USP5: variants seen among roughly 807,000 people sequenced by gnomAD.
USP5 encodes the protein ubiquitin specific peptidase 5.
In USP5, 24 loss-of-function variants were observed where a neutral mutation model predicts 102.5. The ratio of observed to expected loss-of-function variants is 0.23; its 90% CI spans 0.17 to 0.33. The LOEUF (loss-of-function observed/expected upper bound fraction) is 0.33. Among genes scored for constraint, USP5 ranks in the 10% least tolerant of loss-of-function variants. USP5 has a pLI of 1.00. For synonymous variants in USP5, 460 were observed against 434.8 expected (o/e 1.06, Z -0.72); for missense variants, 753 against 1,122.1 (o/e 0.67, Z 4.70).
At chr12:6,857,427 C>G (rs1030293138) in intron 6 of USP5, 3 of 522,752 alleles carry the variant, frequency 5.7e-6, no homozygotes, top group Non-Finnish European at 1.0e-5. Flanking sequence ...CAACCCTCAC[C>G]CGGTTTCATC....
chr12:6,856,110 G>T lies in USP5; in HGVS notation c.398G>T (p.Arg133Leu). The T allele has an allele frequency of 6.2e-7, 1 of 1,614,140 alleles. No homozygotes were observed. The highest frequency in any genetic ancestry group is 8.5e-7 in the Non-Finnish European group (1 of 1,180,014). ...TTGCCAGATTACCTGGAGATTGCCC[G>T]GGATGGACTGGGGGGACTGCCTGAC... ...VILPDYLEIARDGLGGLPDIV... is the reference protein window; with the variant it reads ...VILPDYLEIALDGLGGLPDIV... The change falls in exon 4 of 20, where the codon CGG becomes CTG. Residue 133 changes from arginine (R) to leucine (L), a missense_variant. Around this residue, in one of 3 missense-constraint regions of USP5, gnomAD observed 527 missense variants for 816.5 expected, o/e 0.65. Transcript: ENST00000229268. This position sits in a 1 kb window ranked among gnomAD's most constrained non-coding sequence, Gnocchi z 5.6.
chr12:6,860,528 G>A lies in USP5; in HGVS notation c.1344+37G>A. The A allele has an allele frequency of 6.2e-7, 1 of 1,611,122 alleles. No homozygotes were observed. The highest frequency in any genetic ancestry group is 8.5e-7 in the Non-Finnish European group (1 of 1,179,520). On this transcript the variant is annotated intron_variant, in intron 11 of 19. Transcript: ENST00000229268. The surrounding 1 kb of genome is among the most constrained non-coding windows in gnomAD (Gnocchi z 5.5). ...CAAGATGGCACACCCCCATCTTCCT[G>A]CAATTTACTCGCTCTCCTTCCTGCC...
chr12:6,854,727 C>T (rs1345152713), intron 1 of USP5, among the ~76,000 whole-genome samples: 3 of 152,068 alleles, frequency 2.0e-5, no homozygotes, highest in African/African-American at 4.8e-5. Flanking sequence ...CACTGCACTC[C>T]AGCCTGGGTG....
rs1944322754 is a variant in USP5 at position 6,863,033 on chromosome 12, T to C, written c.1763-153T>C. 1.0e-5 allele frequency: 7 copies of C among 685,520 alleles called. No homozygotes were observed. The South Asian group carries it at 1.3e-4, about 13-fold the overall frequency. The allele number at this position is 685,520 out of a possible 1,614,324, so 42.5% of individuals were successfully genotyped here. Reference sequence around the variant, plus strand: ...CTCCCAACTCCCAGGCTTAGTATTATTTGTCTTATACTGGGACCCCTAAGA... The same window carrying C: ...CTCCCAACTCCCAGGCTTAGTATTACTTGTCTTATACTGGGACCCCTAAGA... On this transcript the variant is annotated intron_variant, in intron 14 of 19. Transcript: ENST00000229268. The surrounding 1 kb of genome is among the most constrained non-coding windows in gnomAD (Gnocchi z 4.7).
rs113206881 is a variant in USP5, at chr12:6,861,304, C to T, written c.1499-139C>T. 9.0e-5 allele frequency: 115 copies of T among 1,282,360 alleles called. No homozygotes were observed. In the African/African-American group the frequency reaches 1.3e-3, roughly 14 times the overall value. 79.4% of individuals were successfully genotyped at this position (1,282,360 alleles called of 1,614,324 possible). A position where few individuals can be genotyped will look rare whatever the true frequency, so the allele number is the denominator to read the frequency against. On this transcript the variant is annotated intron_variant, in intron 12 of 19. Coordinates refer to ENST00000229268, the MANE Select transcript of USP5 (RefSeq NM_001098536.2). This position sits in a 1 kb window ranked among gnomAD's most constrained non-coding sequence, Gnocchi z 4.9. ...GTTAGCAGAGCTGCATGGAAACAGG[C>T]GAGATATATTGGACATGTGTCAGGG...
In USP5 at chr12:6,855,862, C is replaced by T; in HGVS notation, c.304+41C>T. 4.3e-6 allele frequency: 7 copies of T among 1,613,518 alleles called. No homozygotes were observed. Among genetic ancestry groups the T allele is most frequent in the Non-Finnish European group, 5.9e-6 (7 of 1,179,542 alleles). ...GTCCTATTCTTCTCCCTGAGCTGGT[C>T]TTTCTGGCTCTCAGCAGCACCAGGA... On this transcript the variant is annotated intron_variant, in intron 3 of 19. Coordinates refer to ENST00000229268, the MANE Select transcript of USP5 (RefSeq NM_001098536.2). The surrounding 1 kb of genome is among the most constrained non-coding windows in gnomAD (Gnocchi z 4.6).
rs1944180195 is a variant in USP5 at position 6,858,366 on chromosome 12, A to T, written c.865-58A>T. 1.3e-6 allele frequency: 2 copies of T among 1,552,932 alleles called. No homozygotes were observed. Among genetic ancestry groups the T allele is most frequent in the Non-Finnish European group, 1.8e-6 (2 of 1,132,490 alleles). On this transcript the variant is annotated intron_variant, in intron 7 of 19. Transcript: ENST00000229268. The surrounding 1 kb of genome is among the most constrained non-coding windows in gnomAD (Gnocchi z 4.2). ...TCATCCTAGACTCAGTGAGAGATCG[A>T]GGTAAAAACTACAGGGTTGAGTTTC...
At chr12:6,854,591 T>TA (rs782820849) in intron 1 of USP5, among the ~76,000 whole-genome samples, 2,966 of 118,432 alleles carry the variant, frequency 0.025, 92 homozygotes, top group Admixed American at 0.11. Context: ...ACCCCACCTC[T>TA]AAAAAAAAAA....
chr12:6,852,323 G>T (rs375751858), intron 1 of USP5, 33 bp downstream of exon 1: 1 of 1,578,302 alleles, frequency 6.3e-7, no homozygotes, highest in African/African-American at 1.3e-5. Flanking sequence ...CAACGAGCAC[G>T]ACTTCCTTCC....
chr12:6,852,349 C>T (rs1230196390), intron 1 of USP5, 59 bp downstream of exon 1: 2 of 1,516,640 alleles, frequency 1.3e-6, no homozygotes, highest in African/African-American at 1.4e-5. Flanking sequence ...CCTGGTCATT[C>T]CGCTGGGGCC....
rs782111097 is a variant in USP5 at position 6,856,830 on chromosome 12, C to T, written c.708C>T (p.His236=). ...GGGGCAACAACCACGCTGTGGAGCA[C>T]TACCGAGAGACAGGCTACCCGTTAG... The part of the protein sequence containing the change: ...GSGGNNHAVE[H]YRETGYPLAV... The change falls in exon 6 of 20, where the codon CAC becomes CAT. Residue 236 remains histidine, a synonymous_variant. Coordinates refer to ENST00000229268, the MANE Select transcript of USP5 (RefSeq NM_001098536.2). The surrounding 1 kb of genome is among the most constrained non-coding windows in gnomAD (Gnocchi z 5.6). 3.1e-6 allele frequency: 5 copies of T among 1,614,210 alleles called. No individual in the cohort carries two copies. The highest frequency in any genetic ancestry group is 4.2e-6 in the Non-Finnish European group (5 of 1,180,036).
Position 6,861,635 on chromosome 12 carries a change from G to A in USP5, c.1673+18G>A, listed in dbSNP as rs782380595. 1 of 1,525,032 alleles carries A rather than the reference G, an allele frequency of 6.6e-7. No individual in the cohort carries two copies. The highest frequency in any genetic ancestry group is 2.3e-5 in the East Asian group (1 of 43,136). 94.5% of individuals were successfully genotyped at this position (1,525,032 alleles called of 1,614,324 possible). On this transcript the variant is annotated intron_variant, in intron 13 of 19. Coordinates refer to ENST00000229268, the MANE Select transcript of USP5 (RefSeq NM_001098536.2). The surrounding 1 kb of genome is among the most constrained non-coding windows in gnomAD (Gnocchi z 4.9). ...GCTGTCAAGTAAGTCCTCTGGTCGG[G>A]GCCTGAGGCTGTGGGTCTATGGCAG...
chr12:6,852,356 G>T (rs941566434), intron 1 of USP5, 66 bp downstream of exon 1: 5 of 1,495,010 alleles, frequency 3.3e-6, no homozygotes, highest in Non-Finnish European at 4.6e-6. Flanking sequence ...ATTCCGCTGG[G>T]GCCTGCAAGG....
At chr12:6,859,964 C>A (rs1405708009) in intron 9 of USP5, among the ~76,000 whole-genome samples, 187 bp from the exon 10 acceptor site, 4 of 152,154 alleles carry the variant, frequency 2.6e-5, no homozygotes, top group Non-Finnish European at 4.4e-5. Context: ...CACCACTGGC[C>A]TATTAGGAGC....
chr12:6,856,495 G>A lies in USP5; in HGVS notation c.584+45G>A, dbSNP rs1555128343. 1 of 1,573,812 alleles carries A rather than the reference G, an allele frequency of 6.4e-7. No homozygotes were observed. Among genetic ancestry groups the A allele is most frequent in the Admixed American group, 1.8e-5 (1 of 55,510 alleles). On this transcript the variant is annotated intron_variant, in intron 5 of 19. Transcript: ENST00000229268. This position sits in a 1 kb window ranked among gnomAD's most constrained non-coding sequence, Gnocchi z 5.6. The stretch of plus-strand genomic sequence containing the variant: ...CCTCGGGCACCACCCCCAGAGCAAG[G>A]ACAAGGAGCCCACTTTTCTGGGGGA...
rs1944286298 is a variant in USP5 at position 6,861,828 on chromosome 12, C to T, written c.1673+211C>T. Among the ~76,000 whole-genome samples the T allele has an allele frequency of 6.6e-6, 1 of 152,242 alleles. No individual in the cohort carries two copies. The highest frequency in any genetic ancestry group is 6.5e-5 in the Admixed American group (1 of 15,284). On this transcript the variant is annotated intron_variant, in intron 13 of 19. Coordinates refer to ENST00000229268, the MANE Select transcript of USP5 (RefSeq NM_001098536.2). The surrounding 1 kb of genome is among the most constrained non-coding windows in gnomAD (Gnocchi z 4.9). ...TATCTGTCACCTTGTCCTGCCCCAA[C>T]CACTCCCTCTTCTGTGGCACAGGGT...
chr12:6,860,222 G>C lies in USP5; in HGVS notation c.1202G>C (p.Arg401Pro). ...GTACCGGAGTCGGGCGATGGGGAGC[G>C]GGTGCCAGAACAGAAGGTGCGTCTA... Reference protein sequence around the residue: ...KPVPESGDGERVPEQKEVQDG... With the variant: ...KPVPESGDGEPVPEQKEVQDG... The change falls in exon 10 of 20, where the codon CGG (arginine) becomes CCG (proline). Residue 401 changes from arginine (R) to proline (P), a missense_variant. Transcript: ENST00000229268. The surrounding 1 kb of genome is among the most constrained non-coding windows in gnomAD (Gnocchi z 5.5). The C allele has an allele frequency of 6.2e-7, 1 of 1,608,390 alleles. No individual in the cohort carries two copies. The highest frequency in any genetic ancestry group is 8.5e-7 in the Non-Finnish European group (1 of 1,178,324).
intron 6 of USP5, 41 bp from the exon 7 acceptor site, chr12:6,857,588 T>C: frequency 6.3e-7 from 1 of 1,582,822 alleles, no homozygotes; most frequent in Non-Finnish European, 8.7e-7. Context: ...TGGCTAGTCC[T>C]GAGCCACTTC....
Position 6,855,705 on chromosome 12 carries a change from T to C in USP5, c.238-50T>C. 6.2e-7 allele frequency: 1 copy of C among 1,612,268 alleles called. No homozygotes were observed. The highest frequency in any genetic ancestry group is 8.5e-7 in the Non-Finnish European group (1 of 1,178,682). On this transcript the variant is annotated intron_variant, in intron 2 of 19. Transcript: ENST00000229268. This position sits in a 1 kb window ranked among gnomAD's most constrained non-coding sequence, Gnocchi z 4.6. ...TCCTTCCGTCCCTCCTCCCGACTTG[T>C]TCCTTCGCTCGTGCTCATTGCTGAT... is the stretch of plus-strand genomic sequence containing the variant.
Sources: gnomAD v4.1 joint callset for allele counts (sites outside exome capture counted in the v4.1 genomes callset) on GRCh38, gnomAD v4.1.1 for gene constraint, gnomAD v4.1.1 regional missense constraint, Gnocchi (gnomAD v3.1) non-coding constraint, MANE v1.5 for transcripts, NCBI Gene and HGNC (gene_info 2026-07-23, HGNC 2026-07-21) for gene names.